ROBO2: variants seen among roughly 807,000 people sequenced by gnomAD.
ROBO2 encodes roundabout homolog 2.
In ROBO2, 53 loss-of-function variants were observed where a neutral mutation model predicts 160.8. The observed-to-expected ratio is 0.33, with a 90% CI of 0.26 to 0.41. The LOEUF is 0.41. ROBO2 is among the 10% of genes least tolerant of loss of function. The pLI, the probability that ROBO2 is intolerant of heterozygous loss-of-function variation, is 1.00. For missense variants in ROBO2, 1,577 were observed against 1,722.4 expected, an observed-to-expected ratio of 0.92 and a Z score of 1.49; for synonymous variants, 664 against 611.7, an observed-to-expected ratio of 1.09 and a Z score of -1.26.
intron 2 of ROBO2, among the ~76,000 whole-genome samples, chr3:77,293,655 C>CTAA (rs2061610502): frequency 1.5e-5 from 2 of 131,030 alleles, no homozygotes; most frequent in Non-Finnish European, 3.2e-5. Context: ...CTAGATCACC[C>CTAA]AGACATAAAG....
At chr3:76,403,722 G>T (rs1313433148) in intron 2 of ROBO2, among the ~76,000 whole-genome samples, 1 of 151,614 alleles carries the variant, frequency 6.6e-6, no homozygotes, top group Non-Finnish European at 1.5e-5. Flanking sequence ...CTTGTTAGTT[G>T]TATTGAGGGG....
At chr3:77,439,366 A>G (rs1290760436) in intron 2 of ROBO2, among the ~76,000 whole-genome samples, 1 of 152,072 alleles carries the variant, frequency 6.6e-6, no homozygotes, top group African/African-American at 2.4e-5. Context: ...GGACTATGTC[A>G]TTTCTAAAAT....
At chr3:76,956,223 A>G (rs2079244561) in intron 2 of ROBO2, among the ~76,000 whole-genome samples, 1 of 152,220 alleles carries the variant, frequency 6.6e-6, no homozygotes, top group Non-Finnish European at 1.5e-5. Flanking sequence ...TATTTATTTT[A>G]CTACAGAGAT....
chr3:76,752,872 A>G (rs952885650), intron 2 of ROBO2, among the ~76,000 whole-genome samples: 2 of 151,940 alleles, frequency 1.3e-5, no homozygotes, highest in Admixed American at 6.6e-5. Flanking sequence ...TCTAAGTAGC[A>G]TATGAGAGGA....
intron 24 of ROBO2, among the ~76,000 whole-genome samples, chr3:77,635,580 C>T (rs1446332642): frequency 2.0e-5 from 3 of 152,156 alleles, no homozygotes; most frequent in Admixed American, 1.3e-4. Context: ...CAATGACAGA[C>T]TGCATATAAG....
At chr3:76,188,062 C>A (rs1701844487) in intron 2 of ROBO2, among the ~76,000 whole-genome samples, 1 of 152,148 alleles carries the variant, frequency 6.6e-6, no homozygotes, top group African/African-American at 2.4e-5. Flanking sequence ...TCTAGGCCAC[C>A]CCGTTAGTTG....
chr3:76,447,372 C>T (rs960780655), intron 2 of ROBO2, among the ~76,000 whole-genome samples: 19 of 151,234 alleles, frequency 1.3e-4, no homozygotes, highest in South Asian at 1.1e-3. Context: ...GAATGGCGAT[C>T]ATTAAAAAGT....
chr3:76,126,671 G>T (rs765008045), intron 2 of ROBO2, among the ~76,000 whole-genome samples: 105 of 152,134 alleles, frequency 6.9e-4, no homozygotes, highest in Admixed American at 2.6e-4. Flanking sequence ...AGTAAAAATA[G>T]AATTCCTATA....
At chr3:77,015,964 TA>T (rs1178467337) in intron 2 of ROBO2, among the ~76,000 whole-genome samples, 2 of 152,026 alleles carry the variant, frequency 1.3e-5, no homozygotes, top group Admixed American at 1.3e-4. Flanking sequence ...TCTAATATGT[TA>T]TTTTTTTTAT....
In ROBO2 at chr3:75,991,864, G is replaced by A. The variant is rs58426516; in HGVS notation, c.109+54262G>A. Among the ~76,000 whole-genome samples the A allele has an allele frequency of 1.1e-4, 16 of 152,210 alleles. No individual in the cohort carries two copies. In the East Asian group the frequency reaches 1.9e-3, roughly 18 times the overall value. ...CAGATGGAGATGAGGAACTAGACTC[G>A]TTCAGAAAAGGGTTACTCTTGTTAT... On this transcript the variant is annotated intron_variant, in intron 2 of 26. Transcript: ENST00000487694.
chr3:76,259,519 A>G (rs1706608351), intron 2 of ROBO2, among the ~76,000 whole-genome samples: 2 of 152,176 alleles, frequency 1.3e-5, no homozygotes, highest in Non-Finnish European at 2.9e-5. Context: ...TCTTGTAAGC[A>G]GAGGCCCTGG....
intron 2 of ROBO2, among the ~76,000 whole-genome samples, chr3:76,024,689 G>T (rs2066681324): frequency 6.6e-6 from 1 of 151,500 alleles, no homozygotes; most frequent in Non-Finnish European, 1.5e-5. Flanking sequence ...TAGTAATAAT[G>T]TTTAAAATGC....
chr3:77,106,490 G>A (rs142008210), intron 2 of ROBO2, among the ~76,000 whole-genome samples: 71 of 152,088 alleles, frequency 4.7e-4, no homozygotes, highest in African/African-American at 1.1e-3. Context: ...TTTGTGTTTC[G>A]GCAGAATACA....
chr3:77,065,865 TG>T (rs1489871163), intron 1 of ROBO2, among the ~76,000 whole-genome samples: 2 of 152,154 alleles, frequency 1.3e-5, no homozygotes, highest in Non-Finnish European at 2.9e-5. Flanking sequence ...TTGAGATGAA[TG>T]GTTTGGTCTT....
intron 2 of ROBO2, among the ~76,000 whole-genome samples, chr3:77,151,247 T>G (rs972592080): frequency 6.6e-6 from 1 of 152,102 alleles, no homozygotes; most frequent in African/African-American, 2.4e-5. Flanking sequence ...ACATAAAAAT[T>G]TATTACAACA....
chr3:77,538,957 C>A (rs2092319609), intron 6 of ROBO2: 1 of 442,114 alleles, frequency 2.3e-6, no homozygotes, highest in Non-Finnish European at 4.5e-6. Context: ...CTCTGTCGCC[C>A]AGGCTGGAGA....
chr3:77,245,809 T>C (rs2089658950), intron 2 of ROBO2, among the ~76,000 whole-genome samples: 1 of 152,220 alleles, frequency 6.6e-6, no homozygotes. Context: ...TTTTAGGAAG[T>C]TTAAGTGAGA....
At chr3:76,814,824 T>C (rs2065517448) in intron 2 of ROBO2, among the ~76,000 whole-genome samples, 1 of 152,024 alleles carries the variant, frequency 6.6e-6, no homozygotes, top group Non-Finnish European at 1.5e-5. Flanking sequence ...GAATAATTTC[T>C]GGAAAAAAAT....
intron 1 of ROBO2, among the ~76,000 whole-genome samples, chr3:77,077,467 CT>C (rs35447086): frequency 0.024 from 3,695 of 152,212 alleles, 139 homozygotes; most frequent in African/African-American, 0.084. Flanking sequence ...GGATAAACGA[CT>C]TCTGAGTTAT....
Sources: allele counts gnomAD v4.1 joint callset (sites outside exome capture counted in the v4.1 genomes callset), GRCh38; gene constraint gnomAD v4.1.1; transcripts MANE v1.5; gene names NCBI Gene and HGNC (gene_info 2026-07-23, HGNC 2026-07-21).